Variants in ZNF251 observed in about 807,000 individuals in gnomAD.
The protein encoded by ZNF251 is zinc finger protein 251.
ZNF251 carries 14 observed loss-of-function variants against 13.5 expected under a neutral mutation model. The ratio of observed to expected loss-of-function variants is 1.04; its 90% CI spans 0.69 to 1.63. The LOEUF is 1.63. Ranked by LOEUF, ZNF251 falls within the 40% of genes most tolerant of loss-of-function variation. ZNF251 has a pLI of 0.00. For missense variants in ZNF251, 764 were observed against 834.9 expected, an observed-to-expected ratio of 0.92 and a Z score of 1.05; for synonymous variants, 287 against 295.2, an observed-to-expected ratio of 0.97 and a Z score of 0.28.
intron 4 of ZNF251, among the ~76,000 whole-genome samples, chr8:144,738,863 C>T (rs1824024866): frequency 6.6e-6 from 1 of 152,134 alleles, no homozygotes; most frequent in African/African-American, 2.4e-5. Flanking sequence ...CTCATGGGGG[C>T]ACCTGTTTGG....
Position 144,722,333 on chromosome 8 carries a change from G to T in ZNF251, c.1327C>A (p.Arg443Ser), listed in dbSNP as rs757050764. 1 of 1,613,650 alleles carries T rather than the reference G, an allele frequency of 6.2e-7. No homozygotes were observed. Among genetic ancestry groups the T allele is most frequent in the Admixed American group, 1.7e-5 (1 of 60,012 alleles). Residue 443 changes from arginine to serine, a missense_variant, in exon 5 of 5, where the codon CGT becomes AGT. By Grantham distance (110) the Arg-to-Ser change is moderately radical. Coordinates refer to ENST00000292562, the MANE Select transcript of ZNF251 (RefSeq NM_138367.2). This position sits in a 1 kb window ranked among gnomAD's most constrained non-coding sequence, Gnocchi z 4.8. ...TGCTGAACAAGAGTGGAACTCCGAC[G>T]AAAGGCTTTGCCGCACTCATTACAA... Reference protein sequence around the residue: ...YVCNECGKAFRRSSTLVQHRR... With the variant: ...YVCNECGKAFSRSSTLVQHRR...
chr8:144,755,162 C>A, intron 1 of ZNF251: 1 of 1,179,600 alleles, frequency 8.5e-7, no homozygotes. Context: ...AGAAGGAGGC[C>A]GCGGGGATGC....
intron 4 of ZNF251, among the ~76,000 whole-genome samples, chr8:144,746,040 T>C (rs537926322): frequency 6.6e-6 from 1 of 152,368 alleles, no homozygotes; most frequent in Admixed American, 6.5e-5. Flanking sequence ...CTCAGTATTT[T>C]ATCTTTAGTG....
chr8:144,724,307 C>T (rs943486137), intron 4 of ZNF251, among the ~76,000 whole-genome samples: 1 of 150,842 alleles, frequency 6.6e-6, no homozygotes, highest in African/African-American at 2.4e-5. Context: ...AACAATCATG[C>T]CGTGTACTGT....
At chr8:144,752,134 C>CAAAAAAAA (rs1563772285) in intron 4 of ZNF251, among the ~76,000 whole-genome samples, 1 of 127,302 alleles carries the variant, frequency 7.9e-6, no homozygotes, top group African/African-American at 3.3e-5. Context: ...AATAACTAGA[C>CAAAAAAAA]CAAAAAAAAA....
intron 4 of ZNF251, among the ~76,000 whole-genome samples, chr8:144,738,273 GAACTC>G (rs1206387443): frequency 6.6e-6 from 1 of 152,144 alleles, no homozygotes; most frequent in African/African-American, 2.4e-5. Context: ...ATGGGGTTCT[GAACTC>G]AACAAGCCCC....
rs773023966 is a variant in ZNF251 at position 144,721,993 on chromosome 8, C to T, written c.1667G>A (p.Arg556His). The change falls in exon 5 of 5, where the codon CGC (arginine) becomes CAC (histidine). Residue 556 changes from arginine (R) to histidine (H), a missense_variant. Physicochemically the swap from Arg to His is conservative, Grantham distance 29. Coordinates refer to ENST00000292562, the MANE Select transcript of ZNF251 (RefSeq NM_138367.2). Reference sequence around the variant, plus strand: ...TTTCTCACCAGTGTGAACTGTCCAGCGCAGAATGAGATTTGCACCATGGTT... The same window carrying T: ...TTTCTCACCAGTGTGAACTGTCCAGTGCAGAATGAGATTTGCACCATGGTT... ...AFNHGANLIL[R>H]WTVHTGEKSF... The T allele has an allele frequency of 1.4e-5, 22 of 1,580,982 alleles. No homozygotes were observed. The highest frequency in any genetic ancestry group is 2.3e-5 in the South Asian group (2 of 85,300).
chr8:144,752,104 CCT>C (rs1384889395), intron 4 of ZNF251, among the ~76,000 whole-genome samples: 1 of 150,242 alleles, frequency 6.7e-6, no homozygotes, highest in South Asian at 2.1e-4. Context: ...TTTTAACACC[CCT>C]CTCTCAGCAA....
intron 4 of ZNF251, among the ~76,000 whole-genome samples, chr8:144,729,759 G>A (rs1352552904): frequency 1.3e-5 from 2 of 152,122 alleles, no homozygotes; most frequent in Admixed American, 6.5e-5. Context: ...ACTTTGGGAG[G>A]CTGAAATGAG....
chr8:144,753,611 G>C (rs1248140623), intron 4 of ZNF251, 72 bp downstream of exon 4: 1 of 1,253,124 alleles, frequency 8.0e-7, no homozygotes, highest in Admixed American at 2.0e-5. Flanking sequence ...TGCCCCAGCT[G>C]TCCCTCGCTT....
At chr8:144,726,125 A>G (rs150226946) in intron 4 of ZNF251, among the ~76,000 whole-genome samples, 2 of 137,552 alleles carry the variant, frequency 1.5e-5, no homozygotes, top group African/African-American at 5.5e-5. Context: ...TGAACCCAGG[A>G]GGCAGAGGTT....
chr8:144,744,998 G>A (rs892102565), intron 4 of ZNF251, among the ~76,000 whole-genome samples: 1 of 152,200 alleles, frequency 6.6e-6, no homozygotes, highest in Non-Finnish European at 1.5e-5. Context: ...GGAGGTTGCA[G>A]TGAGCAGAGA....
At chr8:144,744,916 C>T (rs527402761) in intron 4 of ZNF251, among the ~76,000 whole-genome samples, 12 of 152,216 alleles carry the variant, frequency 7.9e-5, no homozygotes, top group South Asian at 4.2e-4. Context: ...ACCAGCTGGG[C>T]GTGGTGGCGG....
At chr8:144,731,560 T>A (rs1017625085) in intron 4 of ZNF251, among the ~76,000 whole-genome samples, 1 of 149,396 alleles carries the variant, frequency 6.7e-6, no homozygotes, top group African/African-American at 2.5e-5. Context: ...AGCGTCCTGT[T>A]AGTGCTGCTT....
chr8:144,743,157 G>A (rs539987919), intron 4 of ZNF251, among the ~76,000 whole-genome samples: 6 of 152,274 alleles, frequency 3.9e-5, no homozygotes, highest in African/African-American at 9.6e-5. Flanking sequence ...TCCGCCTCCC[G>A]GGTTCAAGTG....
intron 2 of ZNF251, 104 bp from the exon 3 acceptor site, chr8:144,754,425 G>A: frequency 1.4e-6 from 2 of 1,460,516 alleles, no homozygotes; most frequent in Middle Eastern, 2.4e-4. Context: ...GCCCTGCTGT[G>A]GTCAGTATGA....
intron 4 of ZNF251, among the ~76,000 whole-genome samples, chr8:144,746,239 T>C (rs1233819914): frequency 1.3e-5 from 2 of 152,254 alleles, no homozygotes; most frequent in Non-Finnish European, 2.9e-5. Context: ...CATCTACTGA[T>C]ATGACCACAT....
chr8:144,754,457 G>C lies in ZNF251; in HGVS notation c.34-136C>G. Reference sequence around the variant, plus strand: ...ATGAACTGTGTATCAGCAGGTCCCTGATGGGGCAGCTGAGAGCGCTGAGGA... The same window carrying C: ...ATGAACTGTGTATCAGCAGGTCCCTCATGGGGCAGCTGAGAGCGCTGAGGA... On this transcript the variant is annotated intron_variant, in intron 2 of 4. Coordinates refer to ENST00000292562, the MANE Select transcript of ZNF251 (RefSeq NM_138367.2). 17 of 1,445,082 alleles carry C rather than the reference G, an allele frequency of 1.2e-5. No individual in the cohort carries two copies. In the South Asian group the frequency reaches 2.2e-4, roughly 19 times the overall value. The allele number at this position is 1,445,082 out of a possible 1,614,324, so 89.5% of individuals were successfully genotyped here.
chr8:144,748,813 T>C (rs1824551595), intron 4 of ZNF251, among the ~76,000 whole-genome samples: 1 of 152,174 alleles, frequency 6.6e-6, no homozygotes, highest in Non-Finnish European at 1.5e-5. Flanking sequence ...TCCTCCCACC[T>C]CGGCCTCCCA....
Sources: allele counts gnomAD v4.1 joint callset (sites outside exome capture counted in the v4.1 genomes callset), GRCh38; gene constraint gnomAD v4.1.1; non-coding constraint Gnocchi (gnomAD v3.1); transcripts MANE v1.5; gene names NCBI Gene and HGNC (gene_info 2026-07-23, HGNC 2026-07-21).